C7: variants seen among roughly 807,000 people sequenced by gnomAD.
The protein encoded by C7 is complement C7, also known as complement component C7.
A neutral mutation model predicts 104.8 loss-of-function variants in C7; 83 were observed. The ratio of observed to expected loss-of-function variants is 0.79; its 90% CI spans 0.66 to 0.95. The LOEUF (loss-of-function observed/expected upper bound fraction) is 0.95, where lower values mean the gene tolerates loss of function less well. C7 is among the 40% of genes least tolerant of loss of function. The pLI is 0.00. For synonymous variants in C7, 415 were observed against 360.6 expected (o/e 1.15, Z -1.71); for missense variants, 1,070 against 1,011.2 (o/e 1.06, Z -0.79).
intron 10 of C7, among the ~76,000 whole-genome samples, chr5:40,957,518 T>A (rs908231070): frequency 6.6e-5 from 10 of 152,096 alleles, no homozygotes; most frequent in African/African-American, 2.4e-4. Context: ...TGCAATGGCA[T>A]CATCTTGGCT....
At chr5:40,961,882 T>C (rs528460300) in intron 12 of C7, among the ~76,000 whole-genome samples, 1 of 152,324 alleles carries the variant, frequency 6.6e-6, no homozygotes, top group South Asian at 2.1e-4. Context: ...TAAATCACTG[T>C]CTTTTGTTAG....
chr5:40,941,002 T>C (rs1237305847), intron 6 of C7, among the ~76,000 whole-genome samples: 1 of 151,968 alleles, frequency 6.6e-6, no homozygotes, highest in Non-Finnish European at 1.5e-5. Context: ...TCATTCTATA[T>C]GTGGGTGGGA....
At chr5:40,960,579 C>T (rs767970273) in intron 12 of C7, among the ~76,000 whole-genome samples, 2 of 151,964 alleles carry the variant, frequency 1.3e-5, no homozygotes, top group Non-Finnish European at 2.9e-5. Context: ...ATTTTTCCTG[C>T]TTTTTGACAT....
At chr5:40,914,012 A>G (rs758138609) in intron 1 of C7, among the ~76,000 whole-genome samples, 5 of 152,132 alleles carry the variant, frequency 3.3e-5, no homozygotes, top group South Asian at 4.1e-4. Context: ...TATTTTTTGT[A>G]GAGACAGAGT....
In C7 at chr5:40,949,753, T is replaced by C. The variant is rs1207272466; in HGVS notation, c.983-151T>C. 26 of 584,646 alleles carry C rather than the reference T, an allele frequency of 4.4e-5. No homozygotes were observed. The Admixed American group carries it at 8.1e-4, about 18-fold the overall frequency. 36.2% of individuals were successfully genotyped at this position (584,646 alleles called of 1,614,324 possible). A position where few individuals can be genotyped will look rare whatever the true frequency, so the allele number is the denominator to read the frequency against. On this transcript the variant is annotated intron_variant, in intron 8 of 17. Transcript: ENST00000313164. Reference sequence around the variant, plus strand: ...AAGTCAATTTTTTCTGATCTTTGACTCTTCTAGAGCACTTGAAAATGTTCA... The same window carrying C: ...AAGTCAATTTTTTCTGATCTTTGACCCTTCTAGAGCACTTGAAAATGTTCA...
intron 1 of C7, among the ~76,000 whole-genome samples, chr5:40,913,368 G>C (rs1739249851): frequency 6.6e-6 from 1 of 152,052 alleles, no homozygotes. Flanking sequence ...AGTTCTTTGA[G>C]AAATCTCCAT....
chr5:40,976,884 G>A (rs745843764), intron 16 of C7, 44 bp downstream of exon 16: 7 of 1,388,762 alleles, frequency 5.0e-6, no homozygotes, highest in Admixed American at 2.0e-5. Context: ...TTTTATTAAT[G>A]ATAAGGGATA....
chr5:40,916,990 C>A (rs547459467), intron 1 of C7, among the ~76,000 whole-genome samples: 2 of 151,982 alleles, frequency 1.3e-5, no homozygotes, highest in East Asian at 1.9e-4. Context: ...CAAAAATTAG[C>A]CAGGCATGTT....
In C7 at chr5:40,982,650, G is replaced by A. The variant is rs986493723; in HGVS notation, c.*1077G>A. The A allele has an allele frequency of 6.6e-6, 1 of 152,320 alleles. No individual in the cohort carries two copies. The highest frequency in any genetic ancestry group is 1.9e-4 in the East Asian group (1 of 5,324). 9.4% of individuals were successfully genotyped at this position (152,320 alleles called of 1,614,324 possible). On this transcript the variant is annotated 3_prime_UTR_variant, in exon 18 of 18. Transcript: ENST00000313164. The stretch of plus-strand genomic sequence containing the variant: ...ATCAGTTCATGCCTGAGGCATGAGT[G>A]ACTGTGCATTTGAGAATAGTTTTCC...
At chr5:40,951,015 T>C (rs1301815136) in intron 9 of C7, among the ~76,000 whole-genome samples, 2 of 152,110 alleles carry the variant, frequency 1.3e-5, no homozygotes, top group Non-Finnish European at 2.9e-5. Flanking sequence ...AAAGTTTACC[T>C]AAGTAAAGTT....
chr5:40,943,330 A>G (rs1403704687), intron 6 of C7, among the ~76,000 whole-genome samples: 2 of 152,186 alleles, frequency 1.3e-5, no homozygotes, highest in Admixed American at 1.3e-4. Context: ...AGAATATAGG[A>G]TGGTTGAATT....
chr5:40,919,384 C>T lies in C7; in HGVS notation c.7-9196C>T, dbSNP rs1474001949. On this transcript the variant is annotated intron_variant, in intron 1 of 17. Coordinates refer to ENST00000313164, the MANE Select transcript of C7 (RefSeq NM_000587.4). Reference sequence around the variant, plus strand: ...AAGTGATCTGCCCACCTTGGCCTCCCAAAGTGCTGGGATTACAGGTGTGAG... The same window carrying T: ...AAGTGATCTGCCCACCTTGGCCTCCTAAAGTGCTGGGATTACAGGTGTGAG... Among the ~76,000 whole-genome samples, 8 of 152,228 alleles carry T rather than the reference C, an allele frequency of 5.3e-5. No individual in the cohort carries two copies. In the East Asian group the frequency reaches 1.5e-3, roughly 29 times the overall value.
At position 40,960,889 on chromosome 5, in the gene C7, A is replaced by C. The variant is rs3805217; in HGVS notation, c.1662-1196A>C. ...TTTAATGACAGATGTCATCATTATC[A>C]TTATCTTTATTACAGGCTCCCCCAA... On this transcript the variant is annotated intron_variant, in intron 12 of 17. Coordinates refer to ENST00000313164, the MANE Select transcript of C7 (RefSeq NM_000587.4). Among the ~76,000 whole-genome samples, 8 of 151,954 alleles carry C rather than the reference A, an allele frequency of 5.3e-5. No homozygotes were observed. In the South Asian group the frequency reaches 1.7e-3, roughly 32 times the overall value.
rs374484143 is a variant in C7, at chr5:40,977,416, G to C, written c.2165+576G>C. 5.3e-5 allele frequency among the ~76,000 whole-genome samples: 8 copies of C among 152,276 alleles called. No individual in the cohort carries two copies. In the South Asian group the frequency reaches 1.5e-3, roughly 28 times the overall value. On this transcript the variant is annotated intron_variant, in intron 16 of 17. Transcript: ENST00000313164. ...TTAGCAGAAATATTTACAAAAATGT[G>C]AACAGAGGAAAGGAAACTACAAGTC...
At chr5:40,924,939 G>A (rs182109292) in intron 1 of C7, among the ~76,000 whole-genome samples, 1 of 152,332 alleles carries the variant, frequency 6.6e-6, no homozygotes, top group Non-Finnish European at 1.5e-5. Context: ...CTGCCTCAAA[G>A]ATCTCTAAAG....
Position 40,947,621 on chromosome 5 carries a change from T to A in C7, c.758T>A (p.Val253Asp). ...HKGKSYQLLVVENTVEVAQFI... is the reference protein window; with the variant it reads ...HKGKSYQLLVDENTVEVAQFI... Reference sequence around the variant, plus strand: ...CCACAGAGTTACCAACTGCTGGTTGTTGAGAACACTGTTGAAGTGGCTCAG... The same window carrying A: ...CCACAGAGTTACCAACTGCTGGTTGATGAGAACACTGTTGAAGTGGCTCAG... Residue 253 changes from valine to aspartate, a missense_variant, in exon 8 of 18, where the codon GTT becomes GAT. By Grantham distance (152) the Val-to-Asp change is radical (BLOSUM62 -3). Transcript: ENST00000313164. 6.2e-7 allele frequency: 1 copy of A among 1,613,384 alleles called. No homozygotes were observed.
intron 14 of C7, 46 bp downstream of exon 14, chr5:40,964,919 G>A: frequency 6.2e-7 from 1 of 1,601,206 alleles, no homozygotes; most frequent in Non-Finnish European, 8.5e-7. Flanking sequence ...AAAATTACGT[G>A]GAAGAGAATG....
chr5:40,942,994 C>T (rs568784435), intron 6 of C7, among the ~76,000 whole-genome samples: 1 of 152,260 alleles, frequency 6.6e-6, no homozygotes, highest in South Asian at 2.1e-4. Context: ...CATCTCCTGA[C>T]CTTGTGACCC....
intron 14 of C7, among the ~76,000 whole-genome samples, chr5:40,968,028 G>A (rs188262841): frequency 1.2e-3 from 180 of 151,948 alleles, no homozygotes; most frequent in African/African-American, 4.1e-3. Context: ...TTGTCCTTAT[G>A]GGACACAAAT....
Sources: allele counts gnomAD v4.1 joint callset (sites outside exome capture counted in the v4.1 genomes callset), GRCh38; gene constraint gnomAD v4.1.1; transcripts MANE v1.5; gene names NCBI Gene and HGNC (gene_info 2026-07-23, HGNC 2026-07-21).